IL1RAPL2: variants seen among roughly 807,000 people sequenced by gnomAD.
IL1RAPL2 encodes the protein interleukin 1 receptor accessory protein like 2, also known as X-linked interleukin-1 receptor accessory protein-like 2.
A neutral mutation model predicts 44.1 loss-of-function variants in IL1RAPL2; 3 were observed. The observed-to-expected ratio is 0.07, with a 90% CI of 0.03 to 0.18. IL1RAPL2 has a LOEUF of 0.18. IL1RAPL2 is among the 10% of genes least tolerant of loss of function. IL1RAPL2 has a pLI of 1.00. For synonymous variants in IL1RAPL2, 181 were observed against 178.8 expected, an observed-to-expected ratio of 1.01 and a Z score of -0.10; for missense variants, 391 against 496.4, an observed-to-expected ratio of 0.79 and a Z score of 2.02.
At chrX:105,261,656 T>C (rs2034360927) in intron 4 of IL1RAPL2, among the ~76,000 whole-genome samples, 1 of 111,737 alleles carries the variant, frequency 8.9e-6, no homozygotes, top group Non-Finnish European at 1.9e-5. Flanking sequence ...TTTACTGTTT[T>C]CTATAACTGT....
chrX:105,222,137 A>G (rs1471233536), intron 3 of IL1RAPL2, among the ~76,000 whole-genome samples: 1 of 111,673 alleles, frequency 9.0e-6, no homozygotes, highest in Non-Finnish European at 1.9e-5. Flanking sequence ...AACTCTCTCC[A>G]CAATGTTATC....
intron 2 of IL1RAPL2, among the ~76,000 whole-genome samples, chrX:104,921,211 C>G (rs927649267): frequency 9.0e-6 from 1 of 111,442 alleles, no homozygotes; most frequent in Non-Finnish European, 1.9e-5. Flanking sequence ...TGCTAGGCAG[C>G]GACAGCAAAA....
intron 2 of IL1RAPL2, among the ~76,000 whole-genome samples, chrX:105,152,788 G>A (rs1476384558): frequency 1.8e-5 from 2 of 111,978 alleles, no homozygotes; most frequent in African/African-American, 6.5e-5. Context: ...TTACCAGAAT[G>A]TGCTTCTTAT....
intron 2 of IL1RAPL2, among the ~76,000 whole-genome samples, chrX:105,066,187 C>G (rs2032135528): frequency 9.0e-6 from 1 of 111,294 alleles, no homozygotes; most frequent in Non-Finnish European, 1.9e-5. Flanking sequence ...CAATCTCTTC[C>G]TTGCTTCTCC....
intron 2 of IL1RAPL2, among the ~76,000 whole-genome samples, chrX:104,958,078 G>C (rs1336213715): frequency 1.8e-5 from 2 of 111,589 alleles, no homozygotes; most frequent in African/African-American, 6.5e-5. Context: ...AGGTGACAGA[G>C]TGGGACCCTG....
chrX:104,574,235 A>G (rs971339577), intron 1 of IL1RAPL2, among the ~76,000 whole-genome samples: 8 of 111,487 alleles, frequency 7.2e-5, no homozygotes, highest in African/African-American at 2.6e-4. Context: ...ACACATAACA[A>G]TGGGTAGTTA....
chrX:105,143,871 G>A (rs2033151063), intron 2 of IL1RAPL2, among the ~76,000 whole-genome samples: 1 of 110,241 alleles, frequency 9.1e-6, no homozygotes, highest in Admixed American at 9.7e-5. Context: ...GATAGCATTA[G>A]GAGATATACC....
chrX:105,721,389 C>T (rs2038303113), intron 7 of IL1RAPL2, among the ~76,000 whole-genome samples: 1 of 106,914 alleles, frequency 9.4e-6, no homozygotes, highest in Admixed American at 9.9e-5. Flanking sequence ...GCACTATAGC[C>T]CGGGTGACAA....
chrX:105,763,226 A>G (rs1296328743), intron 10 of IL1RAPL2, among the ~76,000 whole-genome samples: 1 of 111,627 alleles, frequency 9.0e-6, no homozygotes, highest in Non-Finnish European at 1.9e-5. Flanking sequence ...CAACTCTTTA[A>G]AAATATATAA....
In IL1RAPL2 at chrX:105,082,494, A is replaced by G. The variant is rs765222475; in HGVS notation, c.83-112981A>G. On this transcript the variant is annotated intron_variant, in intron 2 of 10. Transcript: ENST00000372582. ...CTCAAGTGGTTCTATGATCTCGGGTATACTGAATGGGAGATACCTCCCAGT... is the reference window on the plus strand; with the variant it reads ...CTCAAGTGGTTCTATGATCTCGGGTGTACTGAATGGGAGATACCTCCCAGT... Among the ~76,000 whole-genome samples, 7 of 111,674 alleles carry G rather than the reference A, an allele frequency of 6.3e-5. No individual in the cohort carries two copies. The South Asian group carries it at 2.3e-3, about 36-fold the overall frequency.
chrX:105,487,842 TAGAG>T (rs765603551), intron 6 of IL1RAPL2, among the ~76,000 whole-genome samples: 1 of 111,764 alleles, frequency 8.9e-6, no homozygotes, highest in African/African-American at 3.2e-5. Context: ...AAAAAAGAGA[TAGAG>T]AAAGATAACT....
intron 5 of IL1RAPL2, among the ~76,000 whole-genome samples, chrX:105,304,655 G>C (rs1425586643): frequency 2.7e-5 from 3 of 111,570 alleles, no homozygotes; most frequent in Admixed American, 9.5e-5. Flanking sequence ...AATGAAGTGG[G>C]CCAGAAGGCA....
At chrX:104,727,888 T>C (rs945091266) in intron 2 of IL1RAPL2, among the ~76,000 whole-genome samples, 1 of 110,363 alleles carries the variant, frequency 9.1e-6, no homozygotes, top group African/African-American at 3.3e-5. Flanking sequence ...TTCTCACTTA[T>C]AAGTGTGAGC....
At chrX:104,753,690 C>T (rs1040126282) in intron 2 of IL1RAPL2, among the ~76,000 whole-genome samples, 1 of 111,477 alleles carries the variant, frequency 9.0e-6, no homozygotes, top group African/African-American at 3.3e-5. Flanking sequence ...ATAAACAATA[C>T]GACTGTATGT....
chrX:104,587,945 T>C (rs1444883298), intron 1 of IL1RAPL2, among the ~76,000 whole-genome samples: 1 of 112,078 alleles, frequency 8.9e-6, no homozygotes, highest in Non-Finnish European at 1.9e-5. Context: ...TAACTGGTGC[T>C]TAATGGGCCT....
chrX:104,695,579 C>T (rs1931165500), intron 2 of IL1RAPL2, among the ~76,000 whole-genome samples: 2 of 65,498 alleles, frequency 3.1e-5, no homozygotes, highest in Admixed American at 4.2e-4. Flanking sequence ...AGCATCAGAA[C>T]CATAACATGA....
intron 2 of IL1RAPL2, among the ~76,000 whole-genome samples, chrX:104,948,248 G>C (rs1339029915): frequency 9.2e-6 from 1 of 108,777 alleles, no homozygotes; most frequent in Non-Finnish European, 1.9e-5. Context: ...GAATGCTTGT[G>C]ATTTTTGCAC....
intron 2 of IL1RAPL2, among the ~76,000 whole-genome samples, chrX:104,754,621 A>G (rs1932313990): frequency 8.9e-6 from 1 of 111,793 alleles, no homozygotes; most frequent in South Asian, 3.7e-4. Flanking sequence ...GATTACTCCC[A>G]TTACGATGAA....
chrX:104,647,949 C>T, intron 1 of IL1RAPL2: 1 of 791,292 alleles, frequency 1.3e-6, no homozygotes, highest in Non-Finnish European at 1.9e-6. Context: ...CTTCCTACAA[C>T]AGCTAAGGCC....
Sources: gnomAD v4.1 joint callset for allele counts (sites outside exome capture counted in the v4.1 genomes callset) on GRCh38, gnomAD v4.1.1 for gene constraint, MANE v1.5 for transcripts, NCBI Gene and HGNC (gene_info 2026-07-23, HGNC 2026-07-21) for gene names.